Variants in WDTC1 observed in about 807,000 individuals in gnomAD.
The protein encoded by WDTC1 is WD and tetratricopeptide repeats 1.
In WDTC1, 12 loss-of-function variants were observed where a neutral mutation model predicts 76.0. That is an observed-to-expected ratio of 0.16 (90% CI 0.10 to 0.26). The LOEUF is 0.26. Among genes scored for constraint, WDTC1 ranks in the 10% least tolerant of loss-of-function variants. WDTC1 has a pLI of 1.00. For missense variants in WDTC1, 511 were observed against 908.8 expected, an observed-to-expected ratio of 0.56 and a Z score of 5.63; for synonymous variants, 326 against 350.8, an observed-to-expected ratio of 0.93 and a Z score of 0.79.
intron 6 of WDTC1, among the ~76,000 whole-genome samples, chr1:27,289,855 C>G (rs914688735): frequency 6.6e-6 from 1 of 152,160 alleles, no homozygotes; most frequent in Non-Finnish European, 1.5e-5. Context: ...CGTGGCGGCA[C>G]GCGCCTGCAA....
At chr1:27,272,126 A>AT (rs1337332044) in intron 3 of WDTC1, among the ~76,000 whole-genome samples, 2 of 151,458 alleles carry the variant, frequency 1.3e-5, no homozygotes, top group African/African-American at 4.8e-5. Context: ...CACGCCTGTA[A>AT]TCCCAGCTGC....
At chr1:27,279,018 C>T (rs576796475) in intron 3 of WDTC1, among the ~76,000 whole-genome samples, 19 of 152,266 alleles carry the variant, frequency 1.2e-4, no homozygotes, top group South Asian at 8.3e-4. Context: ...GCTGAGATTG[C>T]GCCACTGCAC....
intron 1 of WDTC1, among the ~76,000 whole-genome samples, chr1:27,243,717 G>A (rs530867371): frequency 1.3e-5 from 2 of 152,196 alleles, no homozygotes; most frequent in Admixed American, 6.6e-5. Context: ...CTGTTAGAAT[G>A]TTCAATAAAT....
At chr1:27,304,876 C>A (rs1177560743) in intron 14 of WDTC1, 125 bp from the exon 15 acceptor site, 3 of 971,126 alleles carry the variant, frequency 3.1e-6, no homozygotes, top group Non-Finnish European at 4.5e-6. Flanking sequence ...GTGCACACCC[C>A]AGCGTGTGGG....
intron 5 of WDTC1, 112 bp from the exon 6 acceptor site, chr1:27,287,562 C>G (rs2013376489): frequency 8.0e-7 from 1 of 1,250,230 alleles, no homozygotes; most frequent in South Asian, 1.5e-5. Flanking sequence ...TGCATGGGCT[C>G]ATTCTCTTAT....
intron 4 of WDTC1, 28 bp from the exon 5 acceptor site, chr1:27,283,310 A>C (rs1456042789): frequency 6.3e-7 from 1 of 1,588,362 alleles, no homozygotes; most frequent in Non-Finnish European, 8.6e-7. Context: ...ATTTGAGGAG[A>C]GATCACAATC....
chr1:27,249,704 G>C (rs2011971851), intron 1 of WDTC1, among the ~76,000 whole-genome samples: 1 of 151,884 alleles, frequency 6.6e-6, no homozygotes, highest in Admixed American at 6.6e-5. Context: ...TCAGCCTCCT[G>C]AGTAGCTAGG....
intron 1 of WDTC1, among the ~76,000 whole-genome samples, chr1:27,243,938 C>G (rs539223034): frequency 2.2e-5 from 3 of 136,584 alleles, no homozygotes; most frequent in African/African-American, 8.4e-5. Context: ...CCAGCCTGGG[C>G]AGCATGGTGA....
chr1:27,260,989 G>C lies in WDTC1; in HGVS notation c.-66G>C. ...ATGTGTATTTTGTGGACCTGGGCTT[G>C]GCTGGAATGCTCAGGGGTCCTGAAG... On this transcript the variant is annotated 5_prime_UTR_variant, in exon 2 of 16. Coordinates refer to ENST00000319394, the MANE Select transcript of WDTC1 (RefSeq NM_001276252.2). 6.4e-7 allele frequency: 1 copy of C among 1,566,016 alleles called. No individual in the cohort carries two copies. Among genetic ancestry groups the C allele is most frequent in the East Asian group, 2.2e-5 (1 of 44,638 alleles).
chr1:27,284,767 A>T (rs1471827772), intron 5 of WDTC1, among the ~76,000 whole-genome samples: 3 of 103,702 alleles, frequency 2.9e-5, no homozygotes, highest in African/African-American at 9.8e-5. Flanking sequence ...TCTTCTATTT[A>T]AAAAAAAAAA....
At chr1:27,283,055 G>A (rs996942421) in intron 4 of WDTC1, among the ~76,000 whole-genome samples, 1 of 151,256 alleles carries the variant, frequency 6.6e-6, no homozygotes, top group Non-Finnish European at 1.5e-5. Context: ...GGAGAATGGC[G>A]TGAACCTGGG....
At chr1:27,251,033 ATTTTTTTTTTTTT>A (rs71584875) in intron 1 of WDTC1, among the ~76,000 whole-genome samples, 4,149 of 28,546 alleles carry the variant, frequency 0.15, 451 homozygotes, top group African/African-American at 0.33. Flanking sequence ...CTCCTGGCTA[ATTTTTTTTTTTTT>A]TTTTTTTTTT....
intron 5 of WDTC1, among the ~76,000 whole-genome samples, chr1:27,285,996 G>GTT (rs5773184): frequency 3.0e-3 from 192 of 63,278 alleles, no homozygotes; most frequent in African/African-American, 4.3e-3. Flanking sequence ...CAGGATGGTG[G>GTT]TTTTTTTTTT....
At chr1:27,244,832 C>T (rs1341814018) in intron 1 of WDTC1, among the ~76,000 whole-genome samples, 1 of 152,158 alleles carries the variant, frequency 6.6e-6, no homozygotes, top group Non-Finnish European at 1.5e-5. Flanking sequence ...TGGTTGGGGG[C>T]ACGTCTCTGC....
chr1:27,299,945 G>C (rs2013789701), intron 12 of WDTC1, among the ~76,000 whole-genome samples: 1 of 152,162 alleles, frequency 6.6e-6, no homozygotes, highest in African/African-American at 2.4e-5. Flanking sequence ...TCACCCTCTG[G>C]CTCCTGGCTG....
chr1:27,250,179 A>G (rs1052959991), intron 1 of WDTC1, among the ~76,000 whole-genome samples: 3 of 152,106 alleles, frequency 2.0e-5, no homozygotes, highest in Non-Finnish European at 4.4e-5. Flanking sequence ...CGATACTGTT[A>G]TGTACTTTCT....
At chr1:27,296,278 T>A (rs749924168) in intron 9 of WDTC1, 48 bp from the exon 10 acceptor site, 2 of 1,610,978 alleles carry the variant, frequency 1.2e-6, no homozygotes, top group Middle Eastern at 1.7e-4. Flanking sequence ...TTCAACCACA[T>A]CCTTACCTCA....
intron 3 of WDTC1, among the ~76,000 whole-genome samples, chr1:27,265,963 G>A (rs2012650674): frequency 6.6e-6 from 1 of 151,922 alleles, no homozygotes; most frequent in African/African-American, 2.4e-5. Flanking sequence ...AAAAAAAATT[G>A]TTTTAATTTC....
intron 2 of WDTC1, among the ~76,000 whole-genome samples, chr1:27,262,450 ATG>A (rs2012511073): frequency 3.3e-5 from 5 of 150,380 alleles, no homozygotes; most frequent in Non-Finnish European, 5.9e-5. Context: ...GTGCAGTGGC[ATG>A]ATCTTGGCTC....
Sources: allele counts gnomAD v4.1 joint callset (sites outside exome capture counted in the v4.1 genomes callset), GRCh38; gene constraint gnomAD v4.1.1; transcripts MANE v1.5; gene names NCBI Gene and HGNC (gene_info 2026-07-23, HGNC 2026-07-21).